Variants in LHFPL3 observed in about 807,000 individuals in gnomAD.
The protein encoded by LHFPL3 is LHFPL tetraspan subfamily member 3, also known as LHFPL tetraspan subfamily member 3 protein.
LHFPL3 carries 5 observed loss-of-function variants against 19.3 expected under a neutral mutation model. That is an observed-to-expected ratio of 0.26 (90% confidence interval 0.14 to 0.54). LHFPL3 has a LOEUF of 0.54. Among genes scored for constraint, LHFPL3 ranks in the 20% least tolerant of loss-of-function variants. The pLI is 0.94. For synonymous variants in LHFPL3, 133 were observed against 126.2 expected (o/e 1.05, Z -0.36); for missense variants, 249 against 307.4 (o/e 0.81, Z 1.42).
At chr7:104,745,814 G>C (rs1368448706) in intron 2 of LHFPL3, among the ~76,000 whole-genome samples, 2 of 152,164 alleles carry the variant, frequency 1.3e-5, no homozygotes, top group Middle Eastern at 3.2e-3. Flanking sequence ...TTCAAGAATT[G>C]GTCCAGACAG....
chr7:104,528,129 A>T (rs1794225508), intron 1 of LHFPL3, among the ~76,000 whole-genome samples: 1 of 152,204 alleles, frequency 6.6e-6, no homozygotes, highest in East Asian at 1.9e-4. Flanking sequence ...ATTTTCCACA[A>T]AGGAAACAGA....
In LHFPL3 at chr7:104,668,879, C is replaced by T. The variant is rs1050959789; in HGVS notation, c.446-67796C>T. The stretch of plus-strand genomic sequence containing the variant: ...TAGAGAAAGAGAAGTAGAAGAACGG[C>T]TACGAAGGAACAAGAGAAGTTGCAG... On this transcript the variant is annotated intron_variant, in intron 1 of 2. Transcript: ENST00000424859. 1.3e-5 allele frequency: 21 copies of T among 1,612,044 alleles called. No individual in the cohort carries two copies. In the African/African-American group the frequency reaches 2.8e-4, roughly 22 times the overall value.
intron 2 of LHFPL3, among the ~76,000 whole-genome samples, chr7:104,880,277 C>A (rs762952818): frequency 1.3e-5 from 2 of 151,276 alleles, no homozygotes; most frequent in Non-Finnish European, 3.0e-5. Context: ...GCACTTCCCC[C>A]CTCCCTCTCT....
At chr7:104,334,432 A>G (rs554660744) in intron 1 of LHFPL3, among the ~76,000 whole-genome samples, 9 of 152,342 alleles carry the variant, frequency 5.9e-5, no homozygotes, top group Middle Eastern at 3.4e-3. Flanking sequence ...CTGTAATCCC[A>G]GCTACTCAGA....
chr7:104,376,349 TA>T (rs1257111564), intron 1 of LHFPL3, among the ~76,000 whole-genome samples: 1 of 152,146 alleles, frequency 6.6e-6, no homozygotes, highest in African/African-American at 2.4e-5. Context: ...TATTTTCAGG[TA>T]GTGATAATTT....
intron 1 of LHFPL3, among the ~76,000 whole-genome samples, chr7:104,352,097 G>A (rs1366904599): frequency 6.6e-6 from 1 of 151,778 alleles, no homozygotes; most frequent in African/African-American, 2.4e-5. Context: ...CTCAGGATTT[G>A]GAGGCTGTGG....
intron 1 of LHFPL3, among the ~76,000 whole-genome samples, chr7:104,489,844 G>A (rs553151799): frequency 6.6e-6 from 1 of 152,270 alleles, no homozygotes; most frequent in South Asian, 2.1e-4. Context: ...TGGAGGATCA[G>A]TTCAGTTTTA....
chr7:104,330,830 G>A (rs1431129025), intron 1 of LHFPL3, among the ~76,000 whole-genome samples: 1 of 152,112 alleles, frequency 6.6e-6, no homozygotes, highest in Non-Finnish European at 1.5e-5. Flanking sequence ...ATAAATTCAT[G>A]TATTATGGCT....
At chr7:104,770,467 T>A (rs2064199036) in intron 2 of LHFPL3, among the ~76,000 whole-genome samples, 1 of 152,232 alleles carries the variant, frequency 6.6e-6, no homozygotes, top group Admixed American at 6.5e-5. Flanking sequence ...GGCATTTACA[T>A]AGCAGAGCTT....
chr7:104,522,114 A>T (rs13234836), intron 1 of LHFPL3, among the ~76,000 whole-genome samples: 1 of 151,964 alleles, frequency 6.6e-6, no homozygotes, highest in Non-Finnish European at 1.5e-5. Context: ...ATTATTCACA[A>T]TAGCAAAGAC....
In LHFPL3 at chr7:104,651,145, A is replaced by G. The variant is rs144212520; in HGVS notation, c.446-85530A>G. Among the ~76,000 whole-genome samples the G allele has an allele frequency of 3.8e-3, 576 of 152,276 alleles. 12 individuals are homozygous for G. The highest frequency in any genetic ancestry group is 0.013 in the African/African-American group (557 of 41,548). On this transcript the variant is annotated intron_variant, in intron 1 of 2. Coordinates refer to ENST00000424859, the MANE Select transcript of LHFPL3 (RefSeq NM_199000.3). ...CAAACCACTGAGGGAAGTTTATCAG[A>G]TCTTTGAGTAAGTAGAAAACAGGCT...
chr7:104,785,526 G>A (rs1401579970), intron 2 of LHFPL3, among the ~76,000 whole-genome samples: 1 of 152,134 alleles, frequency 6.6e-6, no homozygotes, highest in African/African-American at 2.4e-5. Flanking sequence ...AATTCAACAT[G>A]TCCAAAATTT....
At chr7:104,694,815 G>C (rs1009903940) in intron 1 of LHFPL3, among the ~76,000 whole-genome samples, 1 of 152,254 alleles carries the variant, frequency 6.6e-6, no homozygotes, top group East Asian at 1.9e-4. Flanking sequence ...AGCACAGCAA[G>C]AAGGGTCTGT....
intron 1 of LHFPL3, among the ~76,000 whole-genome samples, chr7:104,536,674 T>A (rs1179973104): frequency 1.3e-5 from 2 of 152,224 alleles, no homozygotes; most frequent in Non-Finnish European, 2.9e-5. Flanking sequence ...GGTGTCAGCC[T>A]CAAGTTTTCC....
chr7:104,677,177 A>T (rs1792607367), intron 1 of LHFPL3, among the ~76,000 whole-genome samples: 1 of 150,724 alleles, frequency 6.6e-6, no homozygotes, highest in Non-Finnish European at 1.5e-5. Flanking sequence ...GGAGTTCAAG[A>T]CCAGCCTGGG....
At chr7:104,840,308 C>CTTTT (rs67980957) in intron 2 of LHFPL3, among the ~76,000 whole-genome samples, 141 of 118,350 alleles carry the variant, frequency 1.2e-3, no homozygotes, top group African/African-American at 2.2e-3. Flanking sequence ...TGTGGGTTTT[C>CTTTT]TTTTTTTTTT....
intron 1 of LHFPL3, among the ~76,000 whole-genome samples, chr7:104,381,261 T>C (rs1790822827): frequency 6.6e-6 from 1 of 152,168 alleles, no homozygotes; most frequent in South Asian, 2.1e-4. Context: ...TAACAATAAT[T>C]CAACAGAATG....
At chr7:104,632,254 AAGACTTGC>A (rs1052257371) in intron 1 of LHFPL3, among the ~76,000 whole-genome samples, 2 of 152,310 alleles carry the variant, frequency 1.3e-5, no homozygotes, top group African/African-American at 4.8e-5. Flanking sequence ...ACGTAGCAAC[AAGACTTGC>A]AGTCATCCCT....
intron 2 of LHFPL3, chr7:104,895,348 A>T (rs1287043063): frequency 6.6e-6 from 1 of 152,150 alleles, no homozygotes; most frequent in Non-Finnish European, 1.5e-5. Context: ...AATCCTAATC[A>T]TCTATCCCCT....
Sources: allele counts gnomAD v4.1 joint callset (sites outside exome capture counted in the v4.1 genomes callset), GRCh38; gene constraint gnomAD v4.1.1; transcripts MANE v1.5; gene names NCBI Gene and HGNC (gene_info 2026-07-23, HGNC 2026-07-21).